Variants in PLEKHM3 observed in about 807,000 individuals in gnomAD.
The protein encoded by PLEKHM3 is pleckstrin homology domain containing M3.
In PLEKHM3, 45 loss-of-function variants were observed where a neutral mutation model predicts 81.8. The ratio of observed to expected loss-of-function variants is 0.55; its 90% CI spans 0.43 to 0.71. The LOEUF (loss-of-function observed/expected upper bound fraction) is 0.71, where lower values mean the gene tolerates loss of function less well. Among genes scored for constraint, PLEKHM3 ranks in the 30% least tolerant of loss-of-function variants. The pLI is 0.00. For synonymous variants in PLEKHM3, 352 were observed against 356.4 expected (o/e 0.99, Z 0.14); for missense variants, 788 against 924.3 (o/e 0.85, Z 1.91).
chr2:207,863,225 G>T (rs1362453311), intron 6 of PLEKHM3, among the ~76,000 whole-genome samples: 1 of 152,212 alleles, frequency 6.6e-6, no homozygotes, highest in African/African-American at 2.4e-5. Context: ...ATTATGAGTG[G>T]AAAATGAACC....
In PLEKHM3 at chr2:207,825,649, C is replaced by G. The variant is rs183278692; in HGVS notation, c.*2670G>C. The G allele has an allele frequency of 1.3e-5, 2 of 152,190 alleles. No homozygotes were observed. Among genetic ancestry groups the G allele is most frequent in the Non-Finnish European group, 2.9e-5 (2 of 68,048 alleles). The allele number at this position is 152,190 out of a possible 1,614,324, so 9.4% of individuals were successfully genotyped here. On this transcript the variant is annotated 3_prime_UTR_variant, in exon 8 of 8. Transcript: ENST00000427836. ...TTTCATGGCAGACCCAACTCCTAAGCTGGCTCCACTCTGTCCTATCAGATT... is the reference window on the plus strand; with the variant it reads ...TTTCATGGCAGACCCAACTCCTAAGGTGGCTCCACTCTGTCCTATCAGATT...
chr2:207,923,280 C>T (rs376898596), intron 5 of PLEKHM3, among the ~76,000 whole-genome samples: 2 of 151,976 alleles, frequency 1.3e-5, no homozygotes, highest in African/African-American at 2.4e-5. Flanking sequence ...GGTAGGATCC[C>T]CAGCTAGAAA....
chr2:207,896,548 G>GACT (rs1688230221), intron 6 of PLEKHM3, among the ~76,000 whole-genome samples: 1 of 152,160 alleles, frequency 6.6e-6, no homozygotes, highest in Non-Finnish European at 1.5e-5. Flanking sequence ...AGACTTAATG[G>GACT]AACAAATGCA....
chr2:207,884,466 T>C (rs892104728), intron 6 of PLEKHM3, among the ~76,000 whole-genome samples: 7 of 152,194 alleles, frequency 4.6e-5, no homozygotes, highest in African/African-American at 1.7e-4. Context: ...ACACAAAAGT[T>C]AGAAAAAAAT....
intron 7 of PLEKHM3, among the ~76,000 whole-genome samples, chr2:207,845,214 G>A (rs1176530009): frequency 1.3e-5 from 2 of 152,102 alleles, no homozygotes; most frequent in Admixed American, 1.3e-4. Flanking sequence ...ATTTAATGAG[G>A]TATTACTATC....
Position 207,935,332 on chromosome 2 carries a change from T to C in PLEKHM3, c.1693-4213A>G, listed in dbSNP as rs540431436. ...TATTTTACTACAGACAGGGCAGCTG[T>C]TGAGTGCTGCACATGATGCATGGGC... On this transcript the variant is annotated intron_variant, in intron 4 of 7. Coordinates refer to ENST00000427836, the MANE Select transcript of PLEKHM3 (RefSeq NM_001080475.3). 2.2e-4 allele frequency among the ~76,000 whole-genome samples: 33 copies of C among 152,300 alleles called. 1 individual carries two copies. Among genetic ancestry groups the C allele is most frequent in the African/African-American group, 7.5e-4 (31 of 41,560 alleles).
At chr2:207,882,392 A>G (rs556852751) in intron 6 of PLEKHM3, among the ~76,000 whole-genome samples, 6 of 151,984 alleles carry the variant, frequency 3.9e-5, no homozygotes, top group Non-Finnish European at 7.4e-5. Context: ...CAGGTGGATC[A>G]CCTGAGGTCA....
chr2:207,847,770 C>T (rs1268269665), intron 7 of PLEKHM3, among the ~76,000 whole-genome samples: 1 of 152,216 alleles, frequency 6.6e-6, no homozygotes, highest in Non-Finnish European at 1.5e-5. Flanking sequence ...CCTTTAGCTG[C>T]TTCTAGGATC....
Position 207,972,437 on chromosome 2 carries a change from AT to A in PLEKHM3, c.1546+4213del, listed in dbSNP as rs1273227323. Among the ~76,000 whole-genome samples the A allele has an allele frequency of 1.5e-4, 23 of 152,160 alleles. 1 individual carries two copies. The East Asian group carries it at 4.3e-3, about 28-fold the overall frequency. On this transcript the variant is annotated intron_variant, in intron 3 of 7. Transcript: ENST00000427836. Reference sequence around the variant, plus strand: ...CCCCGTCTCTACTAAAAATACAAAAATTAGCCGGGCCTGGTGGCACACGCCT... The same window carrying A: ...CCCCGTCTCTACTAAAAATACAAAAATAGCCGGGCCTGGTGGCACACGCCT...
chr2:207,970,182 A>C (rs555839436), intron 3 of PLEKHM3, among the ~76,000 whole-genome samples: 1 of 151,842 alleles, frequency 6.6e-6, no homozygotes, highest in Non-Finnish European at 1.5e-5. Flanking sequence ...GGGGGAAAAA[A>C]TGCAGGGAGG....
chr2:208,022,867 TAG>T (rs1280890370), intron 1 of PLEKHM3, among the ~76,000 whole-genome samples: 2 of 152,212 alleles, frequency 1.3e-5, no homozygotes, highest in African/African-American at 4.8e-5. Context: ...GCAATTTTAG[TAG>T]AGAGACATTT....
chr2:207,986,323 T>C (rs1224062375), intron 2 of PLEKHM3, among the ~76,000 whole-genome samples: 1 of 152,324 alleles, frequency 6.6e-6, no homozygotes, highest in South Asian at 2.1e-4. Context: ...TAACACTCTG[T>C]CCTAGACAGG....
chr2:207,902,870 A>ATCCATCCATC (rs56046500), intron 6 of PLEKHM3, among the ~76,000 whole-genome samples: 2 of 122,204 alleles, frequency 1.6e-5, no homozygotes, highest in Non-Finnish European at 3.3e-5. Context: ...CCATCCATCC[A>ATCCATCCATC]CTGAACATTT....
At chr2:207,917,752 G>T (rs1689042535) in intron 5 of PLEKHM3, among the ~76,000 whole-genome samples, 1 of 152,176 alleles carries the variant, frequency 6.6e-6, no homozygotes. Flanking sequence ...GGAGGCTGAA[G>T]TAGGATTGTT....
chr2:208,024,726 G>A (rs1289680897), intron 1 of PLEKHM3, among the ~76,000 whole-genome samples: 1 of 152,166 alleles, frequency 6.6e-6, no homozygotes, highest in Non-Finnish European at 1.5e-5. Flanking sequence ...AAAAAGAAGA[G>A]AGAAATAAAC....
chr2:207,898,710 T>C (rs934333965), intron 6 of PLEKHM3, among the ~76,000 whole-genome samples: 1 of 151,786 alleles, frequency 6.6e-6, no homozygotes, highest in African/African-American at 2.4e-5. Context: ...CTGAGCAACA[T>C]AGGGAGACTC....
intron 5 of PLEKHM3, among the ~76,000 whole-genome samples, chr2:207,925,093 G>A (rs1689343251): frequency 6.6e-6 from 1 of 151,542 alleles, no homozygotes; most frequent in Non-Finnish European, 1.5e-5. Context: ...AGTTCTGAGT[G>A]CTTAAGATGG....
intron 7 of PLEKHM3, among the ~76,000 whole-genome samples, chr2:207,834,490 A>G (rs566435776): frequency 5.0e-4 from 72 of 144,798 alleles, no homozygotes; most frequent in Admixed American, 1.4e-3. Context: ...CAATGGCGCA[A>G]TCTCGGCTCA....
At chr2:207,894,870 G>A (rs1490490562) in intron 6 of PLEKHM3, among the ~76,000 whole-genome samples, 2 of 152,164 alleles carry the variant, frequency 1.3e-5, no homozygotes, top group South Asian at 2.1e-4. Context: ...TTAGCTGGAC[G>A]ACTTTGTGCC....
Sources: gnomAD v4.1 joint callset for allele counts (sites outside exome capture counted in the v4.1 genomes callset) on GRCh38, gnomAD v4.1.1 for gene constraint, MANE v1.5 for transcripts, NCBI Gene and HGNC (gene_info 2026-07-23, HGNC 2026-07-21) for gene names.